Variants in VPS13C observed in about 807,000 individuals in gnomAD.
The protein encoded by VPS13C is intermembrane lipid transfer protein VPS13C.
VPS13C carries 358 observed loss-of-function variants against 456.8 expected under a neutral mutation model. The ratio of observed to expected loss-of-function variants is 0.78; its 90% CI spans 0.72 to 0.86. The LOEUF (loss-of-function observed/expected upper bound fraction) is 0.86. Ranked by LOEUF, VPS13C falls within the 40% of genes least tolerant of loss-of-function variation. The pLI, the probability that VPS13C is intolerant of heterozygous loss-of-function variation, is 0.00. For synonymous variants in VPS13C, 1,578 were observed against 1,486.7 expected, an observed-to-expected ratio of 1.06 and a Z score of -1.41; for missense variants, 4,818 against 4,385.4, an observed-to-expected ratio of 1.10 and a Z score of -2.79.
intron 3 of VPS13C, among the ~76,000 whole-genome samples, chr15:62,036,899 A>G (rs1459952334): frequency 6.6e-6 from 1 of 151,514 alleles, no homozygotes; most frequent in Non-Finnish European, 1.5e-5. Flanking sequence ...AAACCAAATC[A>G]CACTTGAGCT....
At chr15:62,024,329 T>C (rs2047560963) in intron 6 of VPS13C, among the ~76,000 whole-genome samples, 1 of 152,110 alleles carries the variant, frequency 6.6e-6, no homozygotes, top group Non-Finnish European at 1.5e-5. Flanking sequence ...AAGCAAATTA[T>C]TTAATGACTC....
chr15:62,004,117 C>T (rs2046739551), intron 15 of VPS13C, among the ~76,000 whole-genome samples: 1 of 151,876 alleles, frequency 6.6e-6, no homozygotes, highest in African/African-American at 2.4e-5. Context: ...CCTTGTACCT[C>T]TGGTAGAATT....
chr15:61,935,184 C>G (rs1035282612), intron 48 of VPS13C, among the ~76,000 whole-genome samples: 14 of 152,132 alleles, frequency 9.2e-5, no homozygotes, highest in Non-Finnish European at 5.9e-5. Context: ...AATTTTGAGA[C>G]AAATGAGACT....
intron 65 of VPS13C, among the ~76,000 whole-genome samples, chr15:61,907,873 G>C (rs2043194635): frequency 6.6e-6 from 1 of 152,122 alleles, no homozygotes; most frequent in Non-Finnish European, 1.5e-5. Flanking sequence ...TCCTACCCAA[G>C]CCTCTCAAGT....
Position 61,927,283 on chromosome 15 carries a change from C to G in VPS13C, c.6324G>C (p.Met2108Ile), listed in dbSNP as rs1055711644. ...SVRPNMTLKA[M>I]ITDPEVVFVA... ...CAAATACCACTTCTGGATCTGTGAT[C>G]ATGGCCTTTAAAGTCATATTTGGTC... Residue 2108 changes from methionine (M) to isoleucine (I), a missense_variant, in exon 52 of 85, where the codon ATG (methionine) becomes ATC (isoleucine). Transcript: ENST00000644861. 6.2e-6 allele frequency: 10 copies of G among 1,614,150 alleles called. No homozygotes were observed. In the East Asian group the frequency reaches 6.7e-5, roughly 11 times the overall value.
At chr15:61,987,656 T>G (rs1020615374) in intron 18 of VPS13C, among the ~76,000 whole-genome samples, 1 of 152,202 alleles carries the variant, frequency 6.6e-6, no homozygotes, top group African/African-American at 2.4e-5. Flanking sequence ...ATAAACATCA[T>G]TAGTCATTAG....
chr15:61,886,488 T>C (rs1035447390), intron 67 of VPS13C, among the ~76,000 whole-genome samples: 1 of 152,050 alleles, frequency 6.6e-6, no homozygotes, highest in African/African-American at 2.4e-5. Flanking sequence ...CGGATATATA[T>C]CAGTAAAATA....
Position 61,929,713 on chromosome 15 carries a change from CTGT to C in VPS13C, c.6071_6073del (p.Asn2024del). 2.5e-6 allele frequency: 4 copies of C among 1,613,146 alleles called. No individual in the cohort carries two copies. The highest frequency in any genetic ancestry group is 3.4e-6 in the Non-Finnish European group (4 of 1,179,424). On this transcript the variant is annotated inframe_deletion, in exon 51 of 85. Transcript: ENST00000644861. ...TTTGTAACTTATATCAATCATAGAA[CTGT>C]TGTTATCTTGGTCATTCTTTCTGTC...
At chr15:61,898,063 G>A (rs530412734) in intron 66 of VPS13C, among the ~76,000 whole-genome samples, 1 of 152,032 alleles carries the variant, frequency 6.6e-6, no homozygotes, top group South Asian at 2.1e-4. Flanking sequence ...GAGAGATTTT[G>A]TCACCACCAG....
chr15:62,020,675 G>A (rs2047430731), intron 8 of VPS13C, 137 bp from the exon 9 acceptor site: 2 of 686,290 alleles, frequency 2.9e-6, no homozygotes, highest in African/African-American at 3.6e-5. Context: ...AAACACAGGG[G>A]AAGGAGGTAA....
intron 6 of VPS13C, among the ~76,000 whole-genome samples, chr15:62,025,268 A>G (rs1458471609): frequency 6.6e-6 from 1 of 152,110 alleles, no homozygotes; most frequent in African/African-American, 2.4e-5. Context: ...CTGCCACTAC[A>G]AAAATTAAGA....
intron 18 of VPS13C, among the ~76,000 whole-genome samples, chr15:61,988,894 C>T (rs2046139825): frequency 6.6e-6 from 1 of 152,032 alleles, no homozygotes; most frequent in Non-Finnish European, 1.5e-5. Flanking sequence ...ACACCATACA[C>T]AAAAATCAAT....
chr15:62,049,295 G>T (rs1435952212), intron 1 of VPS13C, among the ~76,000 whole-genome samples: 1 of 152,174 alleles, frequency 6.6e-6, no homozygotes, highest in Non-Finnish European at 1.5e-5. Flanking sequence ...GTGTAAGGAA[G>T]GGATCCAGTT....
At chr15:61,979,352 C>G (rs2045803629) in intron 22 of VPS13C, among the ~76,000 whole-genome samples, 1 of 152,136 alleles carries the variant, frequency 6.6e-6, no homozygotes, top group Non-Finnish European at 1.5e-5. Context: ...TGAACAGGAT[C>G]TAGTTTGAGT....
intron 1 of VPS13C, among the ~76,000 whole-genome samples, chr15:62,053,062 T>G (rs1051637768): frequency 6.6e-6 from 1 of 152,246 alleles, no homozygotes; most frequent in Non-Finnish European, 1.5e-5. Context: ...CTTAAATATG[T>G]GAACAGGTGC....
At chr15:61,944,115 C>A (rs1055169106) in intron 45 of VPS13C, among the ~76,000 whole-genome samples, 1 of 152,144 alleles carries the variant, frequency 6.6e-6, no homozygotes, top group Non-Finnish European at 1.5e-5. Flanking sequence ...GTCAGAATGG[C>A]TGTTATTAAA....
intron 15 of VPS13C, among the ~76,000 whole-genome samples, chr15:62,001,998 T>C (rs1001983243): frequency 6.6e-6 from 1 of 152,224 alleles, no homozygotes; most frequent in Non-Finnish European, 1.5e-5. Context: ...TGTGTCTTTA[T>C]AGCAGCATGA....
chr15:61,902,447 C>T (rs966655704), intron 66 of VPS13C, among the ~76,000 whole-genome samples: 3 of 151,918 alleles, frequency 2.0e-5, no homozygotes, highest in African/African-American at 7.3e-5. Flanking sequence ...AACTACAATC[C>T]TCAACAAAAT....
intron 66 of VPS13C, among the ~76,000 whole-genome samples, chr15:61,893,794 C>T (rs2042722687): frequency 6.6e-6 from 1 of 151,860 alleles, no homozygotes. Context: ...GGTTTCCTTG[C>T]TTTCCTTTCT....
Sources: gnomAD v4.1 joint callset for allele counts (sites outside exome capture counted in the v4.1 genomes callset) on GRCh38, gnomAD v4.1.1 for gene constraint, MANE v1.5 for transcripts, NCBI Gene and HGNC (gene_info 2026-07-23, HGNC 2026-07-21) for gene names.